Variants in CHODL observed in about 807,000 individuals in gnomAD.
CHODL encodes the protein transmembrane protein MT75.
A neutral mutation model predicts 34.5 loss-of-function variants in CHODL; 29 were observed. The ratio of observed to expected loss-of-function variants is 0.84; its 90% CI spans 0.63 to 1.15. CHODL has a LOEUF of 1.15. CHODL is among the 50% of genes most tolerant of loss of function. The pLI, the probability that CHODL is intolerant of heterozygous loss-of-function variation, is 0.00. For synonymous variants in CHODL, 125 were observed against 116.1 expected, an observed-to-expected ratio of 1.08 and a Z score of -0.49; for missense variants, 332 against 332.5, an observed-to-expected ratio of 1.00 and a Z score of 0.01.
intron 1 of CHODL, among the ~76,000 whole-genome samples, chr21:17,950,907 C>T (rs547957565): frequency 1.3e-5 from 2 of 152,076 alleles, no homozygotes; most frequent in Non-Finnish European, 2.9e-5. Context: ...TTTGAAGTCT[C>T]ACTGTCTTGC....
At chr21:18,023,562 C>T (rs998196159) in intron 1 of CHODL, among the ~76,000 whole-genome samples, 2 of 152,018 alleles carry the variant, frequency 1.3e-5, no homozygotes, top group Non-Finnish European at 1.5e-5. Context: ...TGGGTCCACT[C>T]TTGTTGGTAA....
chr21:18,223,110 A>C (rs1286289280), intron 2 of CHODL, among the ~76,000 whole-genome samples: 2 of 152,214 alleles, frequency 1.3e-5, no homozygotes, highest in Non-Finnish European at 2.9e-5. Flanking sequence ...ACTAGGAGGT[A>C]TGTAATAACA....
chr21:18,073,027 C>T (rs1414953659), intron 2 of CHODL, among the ~76,000 whole-genome samples: 1 of 152,068 alleles, frequency 6.6e-6, no homozygotes, highest in African/African-American at 2.4e-5. Flanking sequence ...GTAACTTCTT[C>T]AGTAACAATA....
At chr21:17,985,926 G>C (rs1040802749) in intron 1 of CHODL, among the ~76,000 whole-genome samples, 1 of 152,132 alleles carries the variant, frequency 6.6e-6, no homozygotes, top group African/African-American at 2.4e-5. Context: ...TTTCTGGTTT[G>C]AAGATGGTGC....
Position 18,183,071 on chromosome 21 carries a change from A to AC in CHODL, c.-44-73437dup, listed in dbSNP as rs570181639. On this transcript the variant is annotated intron_variant, in intron 2 of 6. Transcript: ENST00000400127. Reference sequence around the variant, plus strand: ...AAGCCACTTTGAAAAGAGGACAACCACTAAAAACCTCATTCCTTTTAAAAT... The same window carrying AC: ...AAGCCACTTTGAAAAGAGGACAACCACCTAAAAACCTCATTCCTTTTAAAAT... 2.8e-3 allele frequency among the ~76,000 whole-genome samples: 423 copies of AC among 152,326 alleles called. 3 individuals are homozygous for AC. The highest frequency in any genetic ancestry group is 0.013 in the South Asian group (65 of 4,826).
intron 5 of CHODL, among the ~76,000 whole-genome samples, chr21:18,263,247 G>A (rs948800972): frequency 6.6e-6 from 1 of 152,108 alleles, no homozygotes; most frequent in Non-Finnish European, 1.5e-5. Flanking sequence ...TTTTGTTTAT[G>A]AAGTATAAGA....
chr21:18,032,731 C>A (rs991205567), intron 2 of CHODL, among the ~76,000 whole-genome samples: 2 of 151,766 alleles, frequency 1.3e-5, no homozygotes, highest in African/African-American at 4.8e-5. Context: ...CAGAAGATAC[C>A]AGAACTTTTA....
intron 2 of CHODL, among the ~76,000 whole-genome samples, chr21:18,049,262 AATAG>A (rs2064483791): frequency 6.6e-6 from 1 of 151,974 alleles, no homozygotes; most frequent in Admixed American, 6.6e-5. Flanking sequence ...TGGTGATCAA[AATAG>A]ATAGATGTTT....
intron 1 of CHODL, among the ~76,000 whole-genome samples, chr21:18,000,093 A>T (rs2063891396): frequency 6.6e-6 from 1 of 152,182 alleles, no homozygotes; most frequent in African/African-American, 2.4e-5. Flanking sequence ...CTAAAATAAG[A>T]GTTGCAAAAT....
intron 1 of CHODL, among the ~76,000 whole-genome samples, chr21:17,934,860 G>A (rs2063306799): frequency 6.6e-6 from 1 of 152,062 alleles, no homozygotes; most frequent in African/African-American, 2.4e-5. Context: ...TATGAATACT[G>A]CAGGTGTTAT....
chr21:18,086,155 A>G (rs920262937), intron 2 of CHODL, among the ~76,000 whole-genome samples: 3 of 144,924 alleles, frequency 2.1e-5, no homozygotes, highest in Non-Finnish European at 3.0e-5. Context: ...AAGCTTTTGA[A>G]TGTCTTTTGT....
chr21:18,253,254 T>C (rs925832801), intron 1 of CHODL, among the ~76,000 whole-genome samples: 13 of 152,222 alleles, frequency 8.5e-5, no homozygotes, highest in Non-Finnish European at 1.3e-4. Context: ...CCCTGAATGT[T>C]TGGGGCTTTG....
intron 2 of CHODL, among the ~76,000 whole-genome samples, chr21:18,133,741 CAT>C (rs1318015822): frequency 6.6e-6 from 1 of 152,072 alleles, no homozygotes; most frequent in African/African-American, 2.4e-5. Context: ...ATATGTATAA[CAT>C]ATATGTGTAA....
intron 2 of CHODL, among the ~76,000 whole-genome samples, chr21:18,103,277 T>C (rs1052486045): frequency 7.9e-5 from 12 of 152,168 alleles, no homozygotes; most frequent in African/African-American, 2.9e-4. Flanking sequence ...CCCTTTGTCA[T>C]TTAAAAAATA....
At chr21:18,053,900 GATATGAC>G (rs1568862719) in intron 2 of CHODL, among the ~76,000 whole-genome samples, 1 of 151,248 alleles carries the variant, frequency 6.6e-6, no homozygotes, top group East Asian at 1.9e-4. Context: ...TAGTATGTGT[GATATGAC>G]ATATGATATA....
intron 2 of CHODL, among the ~76,000 whole-genome samples, chr21:18,181,937 C>T (rs887793181): frequency 2.0e-5 from 3 of 152,106 alleles, no homozygotes; most frequent in Admixed American, 6.5e-5. Flanking sequence ...CCATCATGTG[C>T]ATATATCACA....
intron 2 of CHODL, among the ~76,000 whole-genome samples, chr21:18,049,964 C>G (rs376943029): frequency 2.0e-5 from 3 of 151,900 alleles, no homozygotes; most frequent in East Asian, 3.9e-4. Context: ...ACAGGTGATA[C>G]CATGGAGGCA....
At chr21:18,010,362 G>T (rs2064007465) in intron 1 of CHODL, among the ~76,000 whole-genome samples, 1 of 149,874 alleles carries the variant, frequency 6.7e-6, no homozygotes, top group Non-Finnish European at 1.5e-5. Flanking sequence ...TTCAACTCAG[G>T]AAAGTCTCCT....
intron 1 of CHODL, 99 bp downstream of exon 1, chr21:18,245,401 G>T: frequency 9.8e-7 from 1 of 1,020,270 alleles, no homozygotes; most frequent in African/African-American, 1.7e-5. Flanking sequence ...CGGGGCGTTG[G>T]AAACCTGCAT....
Sources: gnomAD v4.1 joint callset for allele counts (sites outside exome capture counted in the v4.1 genomes callset) on GRCh38, gnomAD v4.1.1 for gene constraint, MANE v1.5 for transcripts, NCBI Gene and HGNC (gene_info 2026-07-23, HGNC 2026-07-21) for gene names.